ART1: variants seen among roughly 807,000 people sequenced by gnomAD.
ART1 encodes GPI-linked NAD(P)(+)--arginine ADP-ribosyltransferase 1.
A neutral mutation model predicts 27.0 loss-of-function variants in ART1; 29 were observed. The observed-to-expected ratio is 1.08, with a 90% CI of 0.80 to 1.47. The LOEUF (loss-of-function observed/expected upper bound fraction) is 1.47. Ranked by LOEUF, ART1 falls within the 40% of genes most tolerant of loss-of-function variation. The probability of loss-of-function intolerance (pLI) is 0.00; values close to 1 mark genes in which losing one functional copy is unlikely to be tolerated. For missense variants in ART1, 480 were observed against 423.0 expected (o/e 1.13, Z -1.18); for synonymous variants, 201 against 172.2 (o/e 1.17, Z -1.31).
chr11:3,660,743 G>A (rs2077614131), intron 3 of ART1, among the ~76,000 whole-genome samples: 1 of 152,232 alleles, frequency 6.6e-6, no homozygotes, highest in African/African-American at 2.4e-5. Context: ...CCAGAAATGA[G>A]TAGGAGTCCC....
chr11:3,653,072 A>C (rs1294035221), intron 1 of ART1, among the ~76,000 whole-genome samples: 1 of 148,218 alleles, frequency 6.7e-6, no homozygotes, highest in African/African-American at 2.6e-5. Flanking sequence ...GTTCAGCTTA[A>C]TCTCTCCCAC....
chr11:3,663,030 C>CA (rs2077631151), intron 4 of ART1, among the ~76,000 whole-genome samples: 3 of 113,660 alleles, frequency 2.6e-5, no homozygotes, highest in Non-Finnish European at 5.5e-5. Flanking sequence ...CTCATCTCAT[C>CA]TCATCATCTC....
chr11:3,651,113 C>A (rs905317853), intron 1 of ART1, among the ~76,000 whole-genome samples: 1 of 151,726 alleles, frequency 6.6e-6, no homozygotes, highest in Non-Finnish European at 1.5e-5. Context: ...GCCTATCCAC[C>A]CTGTGGTGCC....
At chr11:3,653,516 C>T (rs1010444548) in intron 1 of ART1, among the ~76,000 whole-genome samples, 4 of 151,702 alleles carry the variant, frequency 2.6e-5, no homozygotes, top group African/African-American at 2.4e-5. Context: ...TAAAACGGAC[C>T]CACCCTTATC....
At chr11:3,662,882 G>A (rs1404745456) in intron 4 of ART1, among the ~76,000 whole-genome samples, 2 of 152,118 alleles carry the variant, frequency 1.3e-5, no homozygotes, top group South Asian at 2.1e-4. Flanking sequence ...AATCAAAGGT[G>A]CAGAGGAGAA....
intron 1 of ART1, among the ~76,000 whole-genome samples, chr11:3,647,227 G>A (rs2077475234): frequency 1.3e-5 from 2 of 152,016 alleles, no homozygotes; most frequent in South Asian, 4.1e-4. Flanking sequence ...GGAGGCTGAG[G>A]CGGAGAATTG....
At chr11:3,662,204 G>A (rs1370669157) in intron 4 of ART1, among the ~76,000 whole-genome samples, 2 of 152,174 alleles carry the variant, frequency 1.3e-5, no homozygotes, top group Non-Finnish European at 2.9e-5. Flanking sequence ...CTTTCTCTAC[G>A]ACCAACCCAT....
intron 1 of ART1, among the ~76,000 whole-genome samples, chr11:3,653,568 T>C (rs996270371): frequency 3.9e-5 from 6 of 152,102 alleles, no homozygotes; most frequent in Admixed American, 1.3e-4. Flanking sequence ...CCACCTGCAC[T>C]CAGGTGATTA....
At chr11:3,658,336 A>G (rs2077589652) in intron 1 of ART1, among the ~76,000 whole-genome samples, 1 of 137,638 alleles carries the variant, frequency 7.3e-6, no homozygotes, top group African/African-American at 3.1e-5. Flanking sequence ...TGGTCTCGGA[A>G]AAAAAAAAAA....
At position 3,648,328 on chromosome 11, in the gene ART1, TC is replaced by T. The variant is rs1224280546; in HGVS notation, c.-53+3150del. Among the ~76,000 whole-genome samples the T allele has an allele frequency of 3.3e-5, 5 of 152,320 alleles. No individual in the cohort carries two copies. In the South Asian group the frequency reaches 8.3e-4, roughly 25 times the overall value. ...ATGAAATTTGGTGCCCTGACTCAGA[TC>T]GGGGGACCTCCCTTAGGAGATCAAT... On this transcript the variant is annotated intron_variant, in intron 1 of 4. Coordinates refer to ENST00000250693, the MANE Select transcript of ART1 (RefSeq NM_004314.3).
At chr11:3,652,136 C>T (rs929191103) in intron 1 of ART1, among the ~76,000 whole-genome samples, 7 of 147,076 alleles carry the variant, frequency 4.8e-5, no homozygotes, top group African/African-American at 1.5e-4. Flanking sequence ...CGAGGATTTG[C>T]CCCCACCCAG....
At chr11:3,663,693 G>A (rs924353953) in intron 4 of ART1, 8 of 162,316 alleles carry the variant, frequency 4.9e-5, no homozygotes, top group Non-Finnish European at 9.4e-5. Context: ...GGGCTCAAGC[G>A]ATCCTCCCAC....
rs2077598314 is a variant in ART1 at position 3,659,251 on chromosome 11, C to T, written c.38C>T (p.Ser13Phe). 2 of 1,614,116 alleles carry T rather than the reference C, an allele frequency of 1.2e-6. No individual in the cohort carries two copies. The highest frequency in any genetic ancestry group is 3.3e-5 in the Admixed American group (2 of 60,012). ...GCTATGATGTCTCTGCTTCTTGTGT[C>T]TGTGGGCCTCATGGAAGCACTTCAG... ...MPAMMSLLLVSVGLMEALQAQ... is the reference protein window; with the variant it reads ...MPAMMSLLLVFVGLMEALQAQ... The change falls in exon 2 of 5, where the codon TCT becomes TTT. Residue 13 changes from serine (S) to phenylalanine (F), a missense_variant. Transcript: ENST00000250693.
chr11:3,650,464 T>A (rs962874546), intron 1 of ART1, among the ~76,000 whole-genome samples: 4 of 152,208 alleles, frequency 2.6e-5, no homozygotes, highest in Admixed American at 2.6e-4. Flanking sequence ...ACTCCGAGCT[T>A]TGAGTAACTC....
At chr11:3,655,968 T>A (rs1211767611) in intron 1 of ART1, among the ~76,000 whole-genome samples, 1 of 144,472 alleles carries the variant, frequency 6.9e-6, no homozygotes, top group Non-Finnish European at 1.5e-5. Flanking sequence ...GTTTCACTCT[T>A]GTCGCCCAGG....
chr11:3,646,500 A>T (rs1287925544), intron 1 of ART1, among the ~76,000 whole-genome samples: 2 of 152,152 alleles, frequency 1.3e-5, no homozygotes, highest in African/African-American at 4.8e-5. Flanking sequence ...AGCCACCCTG[A>T]GCTAGATTAA....
At chr11:3,649,492 GT>G in intron 1 of ART1, among the ~76,000 whole-genome samples, 1 of 152,206 alleles carries the variant, frequency 6.6e-6, no homozygotes, top group East Asian at 1.9e-4. Context: ...CCTCCCGCCT[GT>G]CCCCTCAGTC....
At chr11:3,660,432 C>T in intron 3 of ART1, 69 bp downstream of exon 3, 4 of 1,509,376 alleles carry the variant, frequency 2.7e-6, no homozygotes, top group Non-Finnish European at 3.6e-6. Context: ...GGGACTTTGG[C>T]AAACCGAAGC....
rs767154046 is a variant in ART1, at chr11:3,659,884, C to G, written c.365C>G (p.Thr122Arg). ...CATGGGGTGGCCCTCCTGGCCTACA[C>G]AGCCAACAGCCCCCTGCACAAGGAG... Reference protein sequence around the residue: ...DEHGVALLAYTANSPLHKEFN... With the variant: ...DEHGVALLAYRANSPLHKEFN... Residue 122 changes from threonine to arginine, a missense_variant, in exon 3 of 5, where the codon ACA becomes AGA. By Grantham distance (71) the Thr-to-Arg change is moderately conservative (BLOSUM62 -1). Transcript: ENST00000250693. 1 of 1,612,822 alleles carries G rather than the reference C, an allele frequency of 6.2e-7. No individual in the cohort carries two copies.
Sources: gnomAD v4.1 joint callset for allele counts (sites outside exome capture counted in the v4.1 genomes callset) on GRCh38, gnomAD v4.1.1 for gene constraint, MANE v1.5 for transcripts, NCBI Gene and HGNC (gene_info 2026-07-23, HGNC 2026-07-21) for gene names.